The following TMCC3 variants were observed in gnomAD, a reference collection of about 807,000 sequenced individuals.
The protein encoded by TMCC3 is transmembrane and coiled-coil domain protein 3.
TMCC3 carries 28 observed loss-of-function variants against 40.2 expected under a neutral mutation model. That is an observed-to-expected ratio of 0.70 (90% CI 0.52 to 0.95). TMCC3 has a LOEUF of 0.95. Ranked by LOEUF, TMCC3 falls within the 40% of genes least tolerant of loss-of-function variation. The pLI is 0.00. For synonymous variants in TMCC3, 255 were observed against 248.5 expected (o/e 1.03, Z -0.25); for missense variants, 554 against 615.2 (o/e 0.90, Z 1.05).
chr12:94,635,188 A>C (rs1214063223), intron 1 of TMCC3, among the ~76,000 whole-genome samples: 1 of 152,194 alleles, frequency 6.6e-6, no homozygotes, highest in East Asian at 1.9e-4. Flanking sequence ...CCATCCTAAC[A>C]TAAGTGACAA....
chr12:94,599,856 C>T (rs1449689065), intron 1 of TMCC3, among the ~76,000 whole-genome samples: 1 of 152,160 alleles, frequency 6.6e-6, no homozygotes, highest in African/African-American at 2.4e-5. Flanking sequence ...TTATAACTTG[C>T]TACTTCCTCT....
At chr12:94,615,848 T>C (rs1208384728) in intron 1 of TMCC3, 4 of 838,138 alleles carry the variant, frequency 4.8e-6, no homozygotes, top group African/African-American at 1.8e-5. Flanking sequence ...TCTCCCAGGA[T>C]ATTAAAGACC....
chr12:94,567,433 TTAAA>T lies in TMCC3; in HGVS notation c.*3998_*4001del, dbSNP rs1435769893. On this transcript the variant is annotated 3_prime_UTR_variant, in exon 4 of 4. Coordinates refer to ENST00000261226, the MANE Select transcript of TMCC3 (RefSeq NM_020698.4). The stretch of plus-strand genomic sequence containing the variant: ...TTAGGACAAACACAGTAGACATGCT[TTAAA>T]TAAATTAAAATTGCAACACATAAAT... 15 of 152,350 alleles carry T rather than the reference TTAAA, an allele frequency of 9.8e-5. No individual in the cohort carries two copies. The highest frequency in any genetic ancestry group is 1.7e-4 in the African/African-American group (7 of 41,590). The allele number at this position is 152,350 out of a possible 1,614,324, so 9.4% of individuals were successfully genotyped here. A position where few individuals can be genotyped will look rare whatever the true frequency, so the allele number is the denominator to read the frequency against.
At chr12:94,605,875 C>T (rs1290914252) in intron 1 of TMCC3, among the ~76,000 whole-genome samples, 1 of 152,182 alleles carries the variant, frequency 6.6e-6, no homozygotes, top group Non-Finnish European at 1.5e-5. Context: ...CTAAGCCATA[C>T]TTACGGAAGA....
At chr12:94,642,489 G>A (rs1281784470) in intron 1 of TMCC3, among the ~76,000 whole-genome samples, 2 of 152,226 alleles carry the variant, frequency 1.3e-5, no homozygotes, top group African/African-American at 4.8e-5. Context: ...AATGTTTTTA[G>A]TTGGCACAGT....
intron 3 of TMCC3, among the ~76,000 whole-genome samples, chr12:94,573,387 C>T (rs2068545108): frequency 6.6e-6 from 1 of 152,200 alleles, no homozygotes; most frequent in Non-Finnish European, 1.5e-5. Flanking sequence ...CCTTACGAAT[C>T]CATTTTCCAC....
At chr12:94,575,552 CT>C (rs1287278753) in intron 3 of TMCC3, among the ~76,000 whole-genome samples, 1 of 152,208 alleles carries the variant, frequency 6.6e-6, no homozygotes, top group Admixed American at 6.5e-5. Context: ...CAGATGTCCT[CT>C]TTACACTTCT....
intron 1 of TMCC3, among the ~76,000 whole-genome samples, chr12:94,616,575 C>T (rs1206429944): frequency 1.3e-5 from 2 of 152,226 alleles, no homozygotes; most frequent in African/African-American, 4.8e-5. Flanking sequence ...GCATAGCCGC[C>T]TCCTGGCGTA....
chr12:94,578,874 TA>T (rs1301345500), intron 2 of TMCC3, among the ~76,000 whole-genome samples: 1 of 152,166 alleles, frequency 6.6e-6, no homozygotes, highest in Non-Finnish European at 1.5e-5. Context: ...GGGATCCTGC[TA>T]AAGGAGGGCC....
chr12:94,602,684 G>A (rs1054854485), intron 1 of TMCC3, among the ~76,000 whole-genome samples: 11 of 152,010 alleles, frequency 7.2e-5, no homozygotes, highest in African/African-American at 1.9e-4. Flanking sequence ...TTCCAACTCC[G>A]GGGCTCCAGT....
At chr12:94,607,086 C>T (rs545900708) in intron 1 of TMCC3, among the ~76,000 whole-genome samples, 70 of 152,292 alleles carry the variant, frequency 4.6e-4, no homozygotes, top group Non-Finnish European at 8.4e-4. Context: ...TCCTTCCGCA[C>T]GGTATTCCTT....
intron 3 of TMCC3, among the ~76,000 whole-genome samples, chr12:94,572,757 C>A (rs1483780432): frequency 6.6e-6 from 1 of 152,124 alleles, no homozygotes; most frequent in African/African-American, 2.4e-5. Context: ...AATGGTCAGT[C>A]CTTATTTCCA....
intron 1 of TMCC3, among the ~76,000 whole-genome samples, chr12:94,635,305 A>C (rs543688337): frequency 6.6e-6 from 1 of 152,334 alleles, no homozygotes; most frequent in South Asian, 2.1e-4. Context: ...AACAAAGCAG[A>C]AGCAGTAGTC....
At chr12:94,614,113 A>C (rs1037375338) in intron 1 of TMCC3, among the ~76,000 whole-genome samples, 2 of 151,802 alleles carry the variant, frequency 1.3e-5, no homozygotes, top group African/African-American at 2.4e-5. Flanking sequence ...AAAAAAAAAA[A>C]AAACTATGGA....
intron 1 of TMCC3, among the ~76,000 whole-genome samples, chr12:94,642,730 A>G (rs183176736): frequency 2.2e-4 from 34 of 152,328 alleles, no homozygotes; most frequent in Non-Finnish European, 2.1e-4. Context: ...TACTGTTATT[A>G]TTCTTCCTCT....
chr12:94,607,367 G>C (rs1232275556), intron 1 of TMCC3, among the ~76,000 whole-genome samples: 1 of 152,182 alleles, frequency 6.6e-6, no homozygotes, highest in African/African-American at 2.4e-5. Flanking sequence ...GGGATTAAGA[G>C]ATTAAAGACA....
In TMCC3 at chr12:94,639,585, T is replaced by C. The variant is rs530116780; in HGVS notation, c.78+10768A>G. Among the ~76,000 whole-genome samples the C allele has an allele frequency of 2.5e-4, 37 of 150,906 alleles. No individual in the cohort carries two copies. The South Asian group carries it at 6.7e-3, about 27-fold the overall frequency. On this transcript the variant is annotated intron_variant, in intron 1 of 3. Coordinates refer to ENST00000261226, the MANE Select transcript of TMCC3 (RefSeq NM_020698.4). ...ACAGAACGAGACTCTATCTCATAAATAAATAAGTAAATAAATAAATTGATG... is the reference window on the plus strand; with the variant it reads ...ACAGAACGAGACTCTATCTCATAAACAAATAAGTAAATAAATAAATTGATG...
chr12:94,609,739 C>G (rs1246069512), intron 1 of TMCC3: 3 of 152,194 alleles, frequency 2.0e-5, no homozygotes, highest in African/African-American at 7.2e-5. Flanking sequence ...CAACGGCTTA[C>G]AGATATCAAA....
chr12:94,639,403 G>A (rs757523970), intron 1 of TMCC3, among the ~76,000 whole-genome samples: 1 of 151,972 alleles, frequency 6.6e-6, no homozygotes, highest in Non-Finnish European at 1.5e-5. Context: ...CCAAAATGGC[G>A]AAACCCCATC....
Sources: gnomAD v4.1 joint callset for allele counts (sites outside exome capture counted in the v4.1 genomes callset) on GRCh38, gnomAD v4.1.1 for gene constraint, MANE v1.5 for transcripts, NCBI Gene and HGNC (gene_info 2026-07-23, HGNC 2026-07-21) for gene names.